ESPL1: variants seen among roughly 807,000 people sequenced by gnomAD.
The protein encoded by ESPL1 is extra spindle pole bodies like 1, separase.
A neutral mutation model predicts 217.2 loss-of-function variants in ESPL1; 50 were observed. The observed-to-expected ratio is 0.23, with a 90% CI of 0.18 to 0.29. The LOEUF (loss-of-function observed/expected upper bound fraction) is 0.29, where lower values mean the gene tolerates loss of function less well. Among genes scored for constraint, ESPL1 ranks in the 10% least tolerant of loss-of-function variants. The probability of loss-of-function intolerance (pLI) is 1.00; values close to 1 mark genes in which losing one functional copy is unlikely to be tolerated. For missense variants in ESPL1, 1,834 were observed against 2,603.0 expected, an observed-to-expected ratio of 0.70 and a Z score of 6.43; for synonymous variants, 994 against 1,081.3, an observed-to-expected ratio of 0.92 and a Z score of 1.58.
chr12:53,291,930 G>A, intron 26 of ESPL1, 54 bp from the exon 27 acceptor site: 1 of 1,604,848 alleles, frequency 6.2e-7, no homozygotes, highest in Non-Finnish European at 8.5e-7. Flanking sequence ...TGCCCCTTCT[G>A]ACTTCTGCAT....
chr12:53,272,621 C>A, intron 5 of ESPL1, 100 bp from the exon 6 acceptor site: 1 of 1,406,548 alleles, frequency 7.1e-7, no homozygotes. Flanking sequence ...CTGGAAGCTG[C>A]TGAACTGACC....
intron 11 of ESPL1, 64 bp downstream of exon 11, chr12:53,278,024 C>T (rs145876882): frequency 3.1e-5 from 48 of 1,534,752 alleles, no homozygotes; most frequent in East Asian, 1.4e-4. Flanking sequence ...ACAGCTCCCT[C>T]GCCTTCTTTG....
rs1944090308 is a variant in ESPL1, at chr12:53,293,082, C to T, written c.6161+112C>T. The T allele has an allele frequency of 2.7e-6, 3 of 1,119,064 alleles. No homozygotes were observed. Among genetic ancestry groups the T allele is most frequent in the East Asian group, 2.5e-5 (1 of 40,078 alleles). 69.3% of individuals were successfully genotyped at this position (1,119,064 alleles called of 1,614,324 possible). A position where few individuals can be genotyped will look rare whatever the true frequency, so the allele number is the denominator to read the frequency against. On this transcript the variant is annotated intron_variant, in intron 30 of 30. Coordinates refer to ENST00000257934, the MANE Select transcript of ESPL1 (RefSeq NM_012291.5). The surrounding 1 kb of genome is among the most constrained non-coding windows in gnomAD (Gnocchi z 4.2). ...TCTTGTGCCCCATTTTCCTCCTATC[C>T]TAGTTAGTTCCCTGGCATGCCTGGA...
In ESPL1 at chr12:53,270,098, C is replaced by G. The variant is rs771874873; in HGVS notation, c.1143+13C>G. On this transcript the variant is annotated intron_variant, in intron 3 of 30. Transcript: ENST00000257934. The stretch of plus-strand genomic sequence containing the variant: ...GCGGGATGATGGTGTGAGTTAAGGA[C>G]CTGGAGGTAGGGTGGGGACGTGGTC... 3 of 1,589,050 alleles carry G rather than the reference C, an allele frequency of 1.9e-6. No individual in the cohort carries two copies. The South Asian group carries it at 3.4e-5, about 18-fold the overall frequency.
At position 53,293,131 on chromosome 12, in the gene ESPL1, GTTC is replaced by G. The variant is rs1944090995; in HGVS notation, c.6162-137_6162-135del. 3 of 985,352 alleles carry G rather than the reference GTTC, an allele frequency of 3.0e-6. No homozygotes were observed. Among genetic ancestry groups the G allele is most frequent in the Non-Finnish European group, 3.1e-6 (2 of 654,922 alleles). 61.0% of individuals were successfully genotyped at this position (985,352 alleles called of 1,614,324 possible). Reference sequence around the variant, plus strand: ...GACCATTAACCCTTAGCTCCCTTCTGTTCTTCTCTTGTAACCAAGGGCCAAAGG... The same window carrying G: ...GACCATTAACCCTTAGCTCCCTTCTGTTCTCTTGTAACCAAGGGCCAAAGG... On this transcript the variant is annotated intron_variant, in intron 30 of 30. Coordinates refer to ENST00000257934, the MANE Select transcript of ESPL1 (RefSeq NM_012291.5). This position sits in a 1 kb window ranked among gnomAD's most constrained non-coding sequence, Gnocchi z 4.2.
Position 53,282,997 on chromosome 12 carries a change from A to C in ESPL1, c.2792-132A>C, listed in dbSNP as rs1943889920. The C allele has an allele frequency of 1.7e-6, 2 of 1,157,852 alleles. No homozygotes were observed. Among genetic ancestry groups the C allele is most frequent in the African/African-American group, 3.1e-5 (2 of 65,508 alleles). 71.7% of individuals were successfully genotyped at this position (1,157,852 alleles called of 1,614,324 possible). A position where few individuals can be genotyped will look rare whatever the true frequency, so the allele number is the denominator to read the frequency against. On this transcript the variant is annotated intron_variant, in intron 14 of 30. Transcript: ENST00000257934. This position sits in a 1 kb window ranked among gnomAD's most constrained non-coding sequence, Gnocchi z 4.0. ...ACCCCAGGGGATCTCAGAGGGAAGG[A>C]GTTATGAGATTGATTAGCTCTGCCT...
chr12:53,270,002 C>A lies in ESPL1; in HGVS notation c.1060C>A (p.Arg354Ser). 1 of 1,614,152 alleles carries A rather than the reference C, an allele frequency of 6.2e-7. No homozygotes were observed. Residue 354 changes from arginine (R) to serine (S), a missense_variant, in exon 3 of 31, where the codon CGC (arginine) becomes AGC (serine). Transcript: ENST00000257934. Reference sequence around the variant, plus strand: ...AGGCCTGGAACGAGGCACCAAGAGGCGCTATAGACTTGATGCCATTCTGAG... The same window carrying A: ...AGGCCTGGAACGAGGCACCAAGAGGAGCTATAGACTTGATGCCATTCTGAG... ...LSGLERGTKR[R>S]YRLDAILSLF...
intron 6 of ESPL1, among the ~76,000 whole-genome samples, chr12:53,273,771 T>C (rs1008674820): frequency 1.3e-5 from 2 of 151,366 alleles, no homozygotes; most frequent in African/African-American, 4.9e-5. Flanking sequence ...ATCTGAATAT[T>C]TTCAAAGATC....
chr12:53,277,405 C>T (rs1239590829), intron 9 of ESPL1, 65 bp from the exon 10 acceptor site: 20 of 1,561,082 alleles, frequency 1.3e-5, no homozygotes, highest in African/African-American at 1.4e-5. Context: ...CTCAGCCTGC[C>T]GAGTAGCCAG....
Position 53,277,937 on chromosome 12 carries a change from G to A in ESPL1, c.2341G>A (p.Ala781Thr), listed in dbSNP as rs1299201290. Residue 781 changes from alanine to threonine, a missense_variant, in exon 11 of 31, where the codon GCC (alanine) becomes ACC (threonine). By Grantham distance (58) the Ala-to-Thr change is moderately conservative (BLOSUM62 0). This residue lies in a region of ESPL1 where 746 missense variants were observed against 1,077.0 expected (regional missense o/e 0.69). Transcript: ENST00000257934. Reference sequence around the variant, plus strand: ...AGCAGCCTCACTGCAGATCCTAGCAGCCCTCTACCAGCTGGTGGCAAAGGT... The same window carrying A: ...AGCAGCCTCACTGCAGATCCTAGCAACCCTCTACCAGCTGGTGGCAAAGGT... ...QTAASLQILA[A>T]LYQLVAKPMQ... 3 of 1,613,924 alleles carry A rather than the reference G, an allele frequency of 1.9e-6. No individual in the cohort carries two copies. Among genetic ancestry groups the A allele is most frequent in the Non-Finnish European group, 2.5e-6 (3 of 1,180,004 alleles).
Position 53,276,640 on chromosome 12 carries a change from G to T in ESPL1, c.1721G>T (p.Ser574Ile). The change falls in exon 8 of 31, where the codon AGT becomes ATT. Residue 574 changes from serine to isoleucine, a missense_variant. Physicochemically the swap from Ser to Ile is moderately radical, Grantham distance 142. Around this residue, in one of 5 missense-constraint regions of ESPL1, gnomAD observed 746 missense variants for 1,077.0 expected, o/e 0.69. Transcript: ENST00000257934. ...CTCAGGACTCTGCGAGACAGCCTCA[G>T]TGGCTGGGACCCGGAGACCCTGGCC... Reference protein sequence around the residue: ...LQLKTLRDSLSGWDPETLALL... With the variant: ...LQLKTLRDSLIGWDPETLALL... The T allele has an allele frequency of 6.2e-7, 1 of 1,612,268 alleles. No individual in the cohort carries two copies.
intron 5 of ESPL1, 61 bp downstream of exon 5, chr12:53,270,859 G>T: frequency 6.3e-7 from 1 of 1,590,456 alleles, no homozygotes; most frequent in South Asian, 1.1e-5. Context: ...TTAGGCAGGT[G>T]AATAGTACTT....
At position 53,270,784 on chromosome 12, in the gene ESPL1, A is replaced by T; in HGVS notation, c.1355A>T (p.His452Leu). The T allele has an allele frequency of 6.2e-7, 1 of 1,614,212 alleles. No individual in the cohort carries two copies. The highest frequency in any genetic ancestry group is 1.3e-5 in the African/African-American group (1 of 75,058). The change falls in exon 5 of 31, where the codon CAC becomes CTC. Residue 452 changes from histidine to leucine, a missense_variant. Physicochemically the swap from His to Leu is moderately conservative, Grantham distance 99. Coordinates refer to ENST00000257934, the MANE Select transcript of ESPL1 (RefSeq NM_012291.5). ...EGLSGQELTD[H>L]MGMTASYTSN... is the part of the protein sequence containing the mutation. ...CTGTCGGGCCAAGAGCTGACGGACC[A>T]CATGGGGATGACCGGTTAGTGCCCT...
chr12:53,276,057 G>A (rs1239667825), intron 7 of ESPL1, among the ~76,000 whole-genome samples: 1 of 152,098 alleles, frequency 6.6e-6, no homozygotes, highest in Non-Finnish European at 1.5e-5. Context: ...AAAAATATTA[G>A]CCGAATGTGG....
rs1944044501 is a variant in ESPL1 at position 53,290,848 on chromosome 12, T to C, written c.5372T>C (p.Ile1791Thr). The C allele has an allele frequency of 6.2e-7, 1 of 1,608,524 alleles. No individual in the cohort carries two copies. Among genetic ancestry groups the C allele is most frequent in the Non-Finnish European group, 8.5e-7 (1 of 1,177,402 alleles). ...LALDHRMEVL[I>T]ASLEKSVLGC... Reference sequence around the variant, plus strand: ...TCTGCCCTCTGCATTCAGGTTCTCATCGCTTCCCTAGAGAAGTCTGTGCTG... The same window carrying C: ...TCTGCCCTCTGCATTCAGGTTCTCACCGCTTCCCTAGAGAAGTCTGTGCTG... Residue 1791 changes from isoleucine to threonine, a missense_variant, in exon 25 of 31, where the codon ATC becomes ACC. This residue lies in a region of ESPL1 where 295 missense variants were observed against 519.8 expected (regional missense o/e 0.57). Coordinates refer to ENST00000257934, the MANE Select transcript of ESPL1 (RefSeq NM_012291.5).
chr12:53,289,868 A>G lies in ESPL1; in HGVS notation c.5114-217A>G, dbSNP rs1028664410. 1.1e-5 allele frequency: 7 copies of G among 609,170 alleles called. No individual in the cohort carries two copies. In the African/African-American group the frequency reaches 1.3e-4, roughly 11 times the overall value. 37.7% of individuals were successfully genotyped at this position (609,170 alleles called of 1,614,324 possible). On this transcript the variant is annotated intron_variant, in intron 22 of 30. Transcript: ENST00000257934. ...ACATGAAACATATTCACATGATTTG[A>G]GTGCCTCACTTTGTTAGTTGCTGTG... is the stretch of plus-strand genomic sequence containing the variant.
In ESPL1 at chr12:53,283,452, C is replaced by T; in HGVS notation, c.2991C>T (p.His997=). 1 of 1,614,144 alleles carries T rather than the reference C, an allele frequency of 6.2e-7. No homozygotes were observed. The highest frequency in any genetic ancestry group is 2.2e-5 in the East Asian group (1 of 44,886). ...GCTGCTCAGAGAAGCTGGTCTGCCA[C>T]CTGGGCCGCCTGGGTAGTGTGAGTG... The part of the protein sequence containing the change: ...VLSCSEKLVC[H]LGRLGSVSEA... Residue 997 remains histidine, a synonymous_variant, in exon 16 of 31, where the codon CAC becomes CAT. Transcript: ENST00000257934.
intron 9 of ESPL1, 115 bp downstream of exon 9, chr12:53,277,342 C>A: frequency 1.4e-6 from 2 of 1,469,418 alleles, no homozygotes; most frequent in Non-Finnish European, 1.8e-6. Context: ...GAGATGGGGT[C>A]TCTCTGTTGC....
At chr12:53,285,479 C>T (rs533144482) in intron 17 of ESPL1, among the ~76,000 whole-genome samples, 7 of 152,238 alleles carry the variant, frequency 4.6e-5, no homozygotes, top group South Asian at 4.2e-4. Flanking sequence ...ACCTCCAAGG[C>T]GGGCGGATCA....
Sources: gnomAD v4.1 joint callset for allele counts (sites outside exome capture counted in the v4.1 genomes callset) on GRCh38, gnomAD v4.1.1 for gene constraint, gnomAD v4.1.1 regional missense constraint, Gnocchi (gnomAD v3.1) non-coding constraint, MANE v1.5 for transcripts, NCBI Gene and HGNC (gene_info 2026-07-23, HGNC 2026-07-21) for gene names.